FHIT: variants seen among roughly 807,000 people sequenced by gnomAD.
The protein encoded by FHIT is fragile histidine triad diadenosine triphosphatase, also known as bis(5'-adenosyl)-triphosphatase.
FHIT carries 19 observed loss-of-function variants against 17.9 expected under a neutral mutation model. That is an observed-to-expected ratio of 1.06 (90% CI 0.74 to 1.56). The LOEUF is 1.56. Among genes scored for constraint, FHIT ranks in the 40% most tolerant of loss-of-function variants. The pLI, the probability that FHIT is intolerant of heterozygous loss-of-function variation, is 0.00. For missense variants in FHIT, 248 were observed against 189.2 expected, an observed-to-expected ratio of 1.31 and a Z score of -1.82; for synonymous variants, 81 against 69.7, an observed-to-expected ratio of 1.16 and a Z score of -0.81.
At chr3:60,338,729 C>A (rs1191269354) in intron 5 of FHIT, among the ~76,000 whole-genome samples, 1 of 152,112 alleles carries the variant, frequency 6.6e-6, no homozygotes, top group Non-Finnish European at 1.5e-5. Context: ...ATACAGAAGA[C>A]CATGGCACAT....
At chr3:59,929,185 G>T (rs1705830634) in intron 7 of FHIT, among the ~76,000 whole-genome samples, 1 of 151,670 alleles carries the variant, frequency 6.6e-6, no homozygotes, top group Admixed American at 6.6e-5. Flanking sequence ...CCAGCAATTT[G>T]TTATAGCAAC....
At chr3:60,924,009 G>A (rs1291522105) in intron 3 of FHIT, among the ~76,000 whole-genome samples, 2 of 152,146 alleles carry the variant, frequency 1.3e-5, no homozygotes. Context: ...CGAGGCTTGG[G>A]GAGGGGCCCC....
chr3:59,960,962 C>A (rs548993300), intron 7 of FHIT, among the ~76,000 whole-genome samples: 1 of 152,300 alleles, frequency 6.6e-6, no homozygotes, highest in Admixed American at 6.5e-5. Context: ...TTGAATAGTG[C>A]ACTCAAAAGG....
intron 8 of FHIT, among the ~76,000 whole-genome samples, chr3:59,871,054 G>C (rs1432512163): frequency 2.0e-5 from 3 of 152,066 alleles, no homozygotes; most frequent in African/African-American, 7.2e-5. Flanking sequence ...TGGATGTCAT[G>C]GTGACTTCAA....
chr3:60,382,327 AC>A (rs2048078535), intron 5 of FHIT, among the ~76,000 whole-genome samples: 2 of 152,350 alleles, frequency 1.3e-5, no homozygotes, highest in African/African-American at 4.8e-5. Flanking sequence ...TAAAAATGCA[AC>A]AAGAGTGCCA....
chr3:59,827,484 A>G (rs1349341000), intron 8 of FHIT, among the ~76,000 whole-genome samples: 1 of 152,246 alleles, frequency 6.6e-6, no homozygotes, highest in African/African-American at 2.4e-5. Flanking sequence ...CTGGGTGACA[A>G]TGAAATATGT....
intron 3 of FHIT, among the ~76,000 whole-genome samples, chr3:61,010,607 A>G (rs888499968): frequency 2.0e-5 from 3 of 152,216 alleles, no homozygotes; most frequent in Non-Finnish European, 4.4e-5. Context: ...CCTGATGGCC[A>G]AGGAAGATAC....
chr3:59,930,711 A>T (rs1220495908), intron 7 of FHIT, among the ~76,000 whole-genome samples: 2 of 152,216 alleles, frequency 1.3e-5, no homozygotes, highest in African/African-American at 4.8e-5. Context: ...AACTACTAGG[A>T]TTAGAATTAG....
At chr3:60,583,361 G>A (rs919394123) in intron 4 of FHIT, among the ~76,000 whole-genome samples, 3 of 151,932 alleles carry the variant, frequency 2.0e-5, no homozygotes, top group African/African-American at 4.8e-5. Flanking sequence ...ATCAGGGGTT[G>A]TCAAACGTTT....
At chr3:61,084,795 C>T (rs2035254494) in intron 2 of FHIT, among the ~76,000 whole-genome samples, 1 of 152,142 alleles carries the variant, frequency 6.6e-6, no homozygotes, top group South Asian at 2.1e-4. Flanking sequence ...TCAATCCAAA[C>T]TGTTACCTCA....
chr3:60,622,236 C>T (rs188499587), intron 4 of FHIT, among the ~76,000 whole-genome samples: 8 of 152,198 alleles, frequency 5.3e-5, no homozygotes, highest in Non-Finnish European at 8.8e-5. Context: ...CCAAATTGGC[C>T]GAAAAGATCA....
chr3:60,939,710 G>A (rs949122157), intron 3 of FHIT, among the ~76,000 whole-genome samples: 4 of 151,818 alleles, frequency 2.6e-5, no homozygotes, highest in Middle Eastern at 3.2e-3. Flanking sequence ...ACATAAATGC[G>A]AACCAAATAA....
chr3:59,986,520 T>C (rs373428145), intron 7 of FHIT, among the ~76,000 whole-genome samples: 15 of 13,106 alleles, frequency 1.1e-3, no homozygotes, highest in Middle Eastern at 0.033. Context: ...TATATATATA[T>C]ATATATATAT....
chr3:60,849,603 A>G (rs1481277479), intron 3 of FHIT, among the ~76,000 whole-genome samples: 11 of 151,990 alleles, frequency 7.2e-5, no homozygotes, highest in African/African-American at 2.7e-4. Context: ...TGAAAAATTG[A>G]TTGATTCCGA....
chr3:61,180,982 T>C (rs539780402), intron 2 of FHIT, among the ~76,000 whole-genome samples: 2 of 152,348 alleles, frequency 1.3e-5, no homozygotes, highest in South Asian at 4.1e-4. Context: ...TACATTTATC[T>C]CCGTTGCTTT....
At position 61,192,225 on chromosome 3, in the gene FHIT, C is replaced by T. The variant is rs115704032; in HGVS notation, c.-164+8392G>A. Among the ~76,000 whole-genome samples the T allele has an allele frequency of 1.4e-3, 209 of 152,316 alleles. 1 individual carries two copies. The highest frequency in any genetic ancestry group is 4.9e-3 in the African/African-American group (204 of 41,574). On this transcript the variant is annotated intron_variant, in intron 2 of 9. Transcript: ENST00000492590. ...GCCACTGAATTAACAAAACTTGAAA[C>T]TGCACCCCTCCCAGGAGGTCTTATT...
intron 4 of FHIT, among the ~76,000 whole-genome samples, chr3:60,615,689 C>G (rs1553675621): frequency 2.6e-5 from 4 of 152,144 alleles, no homozygotes. Flanking sequence ...AAGATATATT[C>G]AGACATAAAA....
At chr3:60,235,938 C>T (rs1704761294) in intron 5 of FHIT, among the ~76,000 whole-genome samples, 1 of 152,050 alleles carries the variant, frequency 6.6e-6, no homozygotes, top group Admixed American at 6.5e-5. Flanking sequence ...TATTGTTAGA[C>T]TAGAGCTCCT....
chr3:60,437,461 C>T (rs914139548), intron 5 of FHIT, among the ~76,000 whole-genome samples: 5 of 152,084 alleles, frequency 3.3e-5, no homozygotes, highest in African/African-American at 1.2e-4. Context: ...TTAGCCAAAA[C>T]TTGCTGAATC....
Sources: allele counts gnomAD v4.1 joint callset (sites outside exome capture counted in the v4.1 genomes callset), GRCh38; gene constraint gnomAD v4.1.1; transcripts MANE v1.5; gene names NCBI Gene and HGNC (gene_info 2026-07-23, HGNC 2026-07-21).